The following UXS1 variants were observed in gnomAD, a reference collection of about 807,000 sequenced individuals.
UXS1 encodes UDP-glucuronic acid decarboxylase 1.
UXS1 carries 33 observed loss-of-function variants against 62.6 expected under a neutral mutation model. That is an observed-to-expected ratio of 0.53 (90% CI 0.40 to 0.70). The LOEUF is 0.70. Ranked by LOEUF, UXS1 falls within the 30% of genes least tolerant of loss-of-function variation. The pLI, the probability that UXS1 is intolerant of heterozygous loss-of-function variation, is 0.00. For synonymous variants in UXS1, 213 were observed against 206.8 expected (o/e 1.03, Z -0.26); for missense variants, 434 against 556.3 (o/e 0.78, Z 2.21).
intron 5 of UXS1, among the ~76,000 whole-genome samples, chr2:106,157,684 A>G (rs1295380460): frequency 1.3e-5 from 2 of 152,256 alleles, no homozygotes; most frequent in African/African-American, 4.8e-5. Context: ...AGCATTGTTT[A>G]GCCATGAAAA....
At chr2:106,098,317 T>C (rs1298769602) in intron 13 of UXS1, among the ~76,000 whole-genome samples, 4 of 152,220 alleles carry the variant, frequency 2.6e-5, no homozygotes, top group African/African-American at 9.6e-5. Context: ...ATAACCAGAA[T>C]TGCAAACAGA....
rs760492177 is a variant in UXS1, at chr2:106,125,678, C to A, written c.579G>T (p.Gly193=). Residue 193 remains glycine, a splice_region_variant and synonymous_variant, in exon 8 of 15, where the codon GGG becomes GGT. Transcript: ENST00000283148. Reference sequence around the variant, plus strand: ...GACGGGCACCGACTCGTTTTGCCAGCCCTACAGAAAGCAATGACATGATAA... The same window carrying A: ...GACGGGCACCGACTCGTTTTGCCAGACCTACAGAAAGCAATGACATGATAA... ...TNTIGTLNML[G]LAKRVGARLL... 1 of 1,575,442 alleles carries A rather than the reference C, an allele frequency of 6.3e-7. No individual in the cohort carries two copies. Among genetic ancestry groups the A allele is most frequent in the South Asian group, 1.2e-5 (1 of 85,232 alleles).
intron 1 of UXS1, among the ~76,000 whole-genome samples, chr2:106,180,616 G>A (rs1380592425): frequency 6.6e-6 from 1 of 152,160 alleles, no homozygotes; most frequent in South Asian, 2.1e-4. Flanking sequence ...TTGGAAACAC[G>A]TTGCACTCAC....
chr2:106,165,523 A>AT (rs200642688), intron 2 of UXS1, among the ~76,000 whole-genome samples: 2,375 of 151,546 alleles, frequency 0.016, 63 homozygotes, highest in African/African-American at 0.054. Flanking sequence ...TTTAAAGGCT[A>AT]TTTTTTTTTA....
At chr2:106,143,232 C>G (rs187873207) in intron 6 of UXS1, among the ~76,000 whole-genome samples, 1 of 150,874 alleles carries the variant, frequency 6.6e-6, no homozygotes, top group Admixed American at 6.6e-5. Context: ...CAGGGTGAAA[C>G]CCCGTCTCTA....
chr2:106,120,893 T>A (rs1000813811), intron 9 of UXS1, among the ~76,000 whole-genome samples: 21 of 152,194 alleles, frequency 1.4e-4, no homozygotes, highest in African/African-American at 4.8e-4. Context: ...AGGGTTCACG[T>A]CAGGGATGCT....
chr2:106,097,560 C>T, intron 13 of UXS1: 1 of 246,180 alleles, frequency 4.1e-6, no homozygotes, highest in South Asian at 5.6e-5. Flanking sequence ...CGCCCCTCCC[C>T]CCAGCCTTAG....
chr2:106,173,180 A>G (rs1318621897), intron 1 of UXS1, among the ~76,000 whole-genome samples: 1 of 152,226 alleles, frequency 6.6e-6, no homozygotes, highest in African/African-American at 2.4e-5. Context: ...AGACAGACGA[A>G]CATAGTATGT....
intron 5 of UXS1, among the ~76,000 whole-genome samples, chr2:106,155,574 A>G (rs1233151335): frequency 6.6e-6 from 1 of 152,250 alleles, no homozygotes; most frequent in Non-Finnish European, 1.5e-5. Context: ...AGTATTCAGT[A>G]TAGCAACATG....
At chr2:106,158,299 T>C (rs888176670) in intron 4 of UXS1, among the ~76,000 whole-genome samples, 181 bp from the exon 5 acceptor site, 1 of 152,212 alleles carries the variant, frequency 6.6e-6, no homozygotes, top group African/African-American at 2.4e-5. Context: ...AAGAGCTATA[T>C]AACCTGCTCC....
intron 9 of UXS1, among the ~76,000 whole-genome samples, chr2:106,120,509 TG>T (rs1423347215): frequency 6.6e-6 from 1 of 152,192 alleles, no homozygotes; most frequent in African/African-American, 2.4e-5. Flanking sequence ...CCTTCCTCGG[TG>T]CCATTTCTCA....
intron 5 of UXS1, among the ~76,000 whole-genome samples, chr2:106,147,564 CAGAG>C (rs913099829): frequency 6.6e-6 from 1 of 152,142 alleles, no homozygotes; most frequent in East Asian, 1.9e-4. Flanking sequence ...GCCTGTGTGA[CAGAG>C]AGAGACCCTG....
intron 10 of UXS1, among the ~76,000 whole-genome samples, chr2:106,111,140 G>A (rs1370042880): frequency 3.3e-5 from 5 of 152,174 alleles, no homozygotes; most frequent in African/African-American, 4.8e-5. Context: ...GAGAATGAGA[G>A]TGGCTCCAAG....
intron 6 of UXS1, among the ~76,000 whole-genome samples, chr2:106,140,939 TCAGGGAAGCA>T (rs1339784417): frequency 6.6e-6 from 1 of 152,202 alleles, no homozygotes; most frequent in Non-Finnish European, 1.5e-5. Context: ...GGACAGCATT[TCAGGGAAGCA>T]CAGGTGCTCT....
At chr2:106,167,871 C>G (rs923787693) in intron 1 of UXS1, among the ~76,000 whole-genome samples, 3 of 152,106 alleles carry the variant, frequency 2.0e-5, no homozygotes, top group African/African-American at 7.2e-5. Context: ...CCATAAGATA[C>G]AGGTCATGGG....
chr2:106,120,065 C>T (rs1341304915), intron 9 of UXS1, among the ~76,000 whole-genome samples: 1 of 152,208 alleles, frequency 6.6e-6, no homozygotes, highest in African/African-American at 2.4e-5. Flanking sequence ...TTCCTCCCTC[C>T]TCAGCACCCA....
At chr2:106,127,414 A>G (rs1216647337) in intron 7 of UXS1, among the ~76,000 whole-genome samples, 1 of 152,182 alleles carries the variant, frequency 6.6e-6, no homozygotes. Context: ...AACACACATC[A>G]CAAATGCAAT....
intron 13 of UXS1, chr2:106,097,703 C>T (rs1677235875): frequency 5.2e-6 from 1 of 193,858 alleles, no homozygotes; most frequent in Admixed American, 5.2e-5. Flanking sequence ...GATGATGCTG[C>T]TGCTGCGTTG....
chr2:106,116,131 C>T (rs750322377), intron 9 of UXS1, among the ~76,000 whole-genome samples: 1 of 152,138 alleles, frequency 6.6e-6, no homozygotes, highest in East Asian at 1.9e-4. Flanking sequence ...AAGAGGTGAC[C>T]CAAGAGGAGT....
Sources: allele counts gnomAD v4.1 joint callset (sites outside exome capture counted in the v4.1 genomes callset), GRCh38; gene constraint gnomAD v4.1.1; transcripts MANE v1.5; gene names NCBI Gene and HGNC (gene_info 2026-07-23, HGNC 2026-07-21).